MACROD2: variants seen among roughly 807,000 people sequenced by gnomAD.
The protein encoded by MACROD2 is mono-ADP ribosylhydrolase 2, also known as ADP-ribose glycohydrolase MACROD2.
In MACROD2, 36 loss-of-function variants were observed where a neutral mutation model predicts 70.4. That is an observed-to-expected ratio of 0.51 (90% confidence interval 0.39 to 0.68). The LOEUF is 0.68. Ranked by LOEUF, MACROD2 falls within the 30% of genes least tolerant of loss-of-function variation. MACROD2 has a pLI of 0.00. For synonymous variants in MACROD2, 172 were observed against 178.8 expected, an observed-to-expected ratio of 0.96 and a Z score of 0.30; for missense variants, 496 against 538.4, an observed-to-expected ratio of 0.92 and a Z score of 0.78.
At position 15,286,890 on chromosome 20, in the gene MACROD2, G is replaced by T. The variant is rs562736733; in HGVS notation, c.540+56829G>T. Among the ~76,000 whole-genome samples, 33 of 152,206 alleles carry T rather than the reference G, an allele frequency of 2.2e-4. No homozygotes were observed. The East Asian group carries it at 5.4e-3, about 25-fold the overall frequency. ...GAACCCAGAATTATTTTGAGGGGTA[G>T]GCATGGGTTGGAGATACATATTAGA... On this transcript the variant is annotated intron_variant, in intron 6 of 17. Transcript: ENST00000684519.
intron 8 of MACROD2, among the ~76,000 whole-genome samples, chr20:15,829,800 A>G (rs2064034812): frequency 6.6e-6 from 1 of 152,212 alleles, no homozygotes; most frequent in Non-Finnish European, 1.5e-5. Flanking sequence ...GCAAAACAAT[A>G]TGATAAGTGT....
chr20:15,061,223 C>T (rs777097784), intron 5 of MACROD2, among the ~76,000 whole-genome samples: 2 of 152,180 alleles, frequency 1.3e-5, no homozygotes, highest in South Asian at 2.1e-4. Flanking sequence ...TTGCCCTGCC[C>T]ACTCCCTCCG....
chr20:15,481,028 C>T (rs2047089967), intron 7 of MACROD2, among the ~76,000 whole-genome samples: 1 of 152,138 alleles, frequency 6.6e-6, no homozygotes. Context: ...CTACCTAGAC[C>T]CTGATGGTTA....
intron 8 of MACROD2, among the ~76,000 whole-genome samples, chr20:15,633,688 A>G (rs1056577683): frequency 4.6e-5 from 7 of 152,214 alleles, no homozygotes; most frequent in Non-Finnish European, 1.0e-4. Context: ...ACAAGCTAAT[A>G]TCACCAGCCT....
At chr20:14,211,388 CAATT>C (rs1005844393) in intron 3 of MACROD2, among the ~76,000 whole-genome samples, 11 of 152,012 alleles carry the variant, frequency 7.2e-5, no homozygotes, top group Middle Eastern at 3.4e-3. Flanking sequence ...GGAATAATGA[CAATT>C]TATTTGTTGT....
chr20:15,831,749 G>A (rs2147117610), intron 8 of MACROD2, among the ~76,000 whole-genome samples: 1 of 152,194 alleles, frequency 6.6e-6, no homozygotes, highest in Middle Eastern at 3.4e-3. Flanking sequence ...ACACCTGACT[G>A]TTGTGACCTA....
In MACROD2 at chr20:15,830,523, G is replaced by A. The variant is rs115734224; in HGVS notation, c.646-32222G>A. On this transcript the variant is annotated intron_variant, in intron 8 of 17. Coordinates refer to ENST00000684519, the MANE Select transcript of MACROD2 (RefSeq NM_001351661.2). ...CATAGGTCAAGTCGTTTGGCAAAGA[G>A]AGTAAGTAAGCATTAAACGACACAG... Among the ~76,000 whole-genome samples, 692 of 152,282 alleles carry A rather than the reference G, an allele frequency of 4.5e-3. 9 individuals are homozygous for A. The highest frequency in any genetic ancestry group is 0.016 in the African/African-American group (663 of 41,560).
At chr20:15,497,569 C>T (rs1295408395) in intron 7 of MACROD2, among the ~76,000 whole-genome samples, 1 of 152,042 alleles carries the variant, frequency 6.6e-6, no homozygotes, top group African/African-American at 2.4e-5. Context: ...GAGTTACAGG[C>T]GTGAGCCACC....
At chr20:14,117,544 T>C (rs563471351) in intron 3 of MACROD2, among the ~76,000 whole-genome samples, 1 of 152,328 alleles carries the variant, frequency 6.6e-6, no homozygotes, top group African/African-American at 2.4e-5. Flanking sequence ...GAGTTGTTTA[T>C]ATGGTGCTAG....
rs573421261 is a variant in MACROD2 at position 15,769,322 on chromosome 20, T to C, written c.646-93423T>C. Reference sequence around the variant, plus strand: ...GCCACCACGCCCGGCTAATTTTGTATTTTTAGTACAGACAGGGTTTCTCCA... The same window carrying C: ...GCCACCACGCCCGGCTAATTTTGTACTTTTAGTACAGACAGGGTTTCTCCA... On this transcript the variant is annotated intron_variant, in intron 8 of 17. Coordinates refer to ENST00000684519, the MANE Select transcript of MACROD2 (RefSeq NM_001351661.2). Among the ~76,000 whole-genome samples the C allele has an allele frequency of 2.3e-3, 345 of 152,278 alleles. 2 individuals carry two copies. Among genetic ancestry groups the C allele is most frequent in the Non-Finnish European group, 3.8e-3 (259 of 68,030 alleles).
chr20:15,258,811 G>A (rs1463404135), intron 6 of MACROD2, among the ~76,000 whole-genome samples: 2 of 151,998 alleles, frequency 1.3e-5, no homozygotes, highest in Admixed American at 6.6e-5. Context: ...TGATAAATGA[G>A]AGAACCAGTA....
Position 15,397,697 on chromosome 20 carries a change from G to A in MACROD2, c.541-33708G>A, listed in dbSNP as rs1260663917. ...AGATATAAGAATTTTATATATTCTT[G>A]AGATATAGGAATCTGATAGTTTCAG... On this transcript the variant is annotated intron_variant, in intron 6 of 17. Transcript: ENST00000684519. Among the ~76,000 whole-genome samples, 4 of 152,260 alleles carry A rather than the reference G, an allele frequency of 2.6e-5. No individual in the cohort carries two copies. The East Asian group carries it at 7.7e-4, about 29-fold the overall frequency.
chr20:15,344,041 AT>A (rs987487248), intron 6 of MACROD2, among the ~76,000 whole-genome samples: 7 of 152,150 alleles, frequency 4.6e-5, no homozygotes, highest in African/African-American at 1.7e-4. Context: ...AAACTCCTAA[AT>A]TTTCAGTCGT....
chr20:15,780,597 A>T (rs973209589), intron 8 of MACROD2, among the ~76,000 whole-genome samples: 1 of 152,190 alleles, frequency 6.6e-6, no homozygotes, highest in Non-Finnish European at 1.5e-5. Flanking sequence ...AATCAGAGAA[A>T]TTTAAATACC....
intron 5 of MACROD2, among the ~76,000 whole-genome samples, chr20:14,792,116 T>C (rs2072457686): frequency 6.6e-6 from 1 of 152,070 alleles, no homozygotes; most frequent in Admixed American, 6.5e-5. Context: ...CCTCATATCA[T>C]GTATCATGCA....
At chr20:15,304,804 G>T (rs745634499) in intron 6 of MACROD2, among the ~76,000 whole-genome samples, 22 of 152,176 alleles carry the variant, frequency 1.4e-4, no homozygotes, top group Non-Finnish European at 3.2e-4. Context: ...CAGCCAATGG[G>T]GAAAGGACAC....
chr20:14,282,045 G>A (rs2082310863), intron 3 of MACROD2, among the ~76,000 whole-genome samples: 1 of 151,358 alleles, frequency 6.6e-6, no homozygotes, highest in South Asian at 2.1e-4. Flanking sequence ...ATATTAATGA[G>A]TAGCATTGCT....
intron 5 of MACROD2, among the ~76,000 whole-genome samples, chr20:14,786,158 A>T (rs2072368713): frequency 1.3e-5 from 2 of 150,808 alleles, no homozygotes; most frequent in Non-Finnish European, 2.9e-5. Context: ...GTCTCTGTAA[A>T]TTCCCAGTTC....
At chr20:15,763,704 C>T (rs567476015) in intron 8 of MACROD2, among the ~76,000 whole-genome samples, 1 of 152,054 alleles carries the variant, frequency 6.6e-6, no homozygotes, top group East Asian at 1.9e-4. Flanking sequence ...AGATTTTTGT[C>T]TCAATGTTCT....
Sources: allele counts gnomAD v4.1 joint callset (sites outside exome capture counted in the v4.1 genomes callset), GRCh38; gene constraint gnomAD v4.1.1; transcripts MANE v1.5; gene names NCBI Gene and HGNC (gene_info 2026-07-23, HGNC 2026-07-21).